HNRNPU: variants seen among roughly 807,000 people sequenced by gnomAD.
HNRNPU encodes the protein HNRNPU antisense RNA 1.
In HNRNPU, 5 loss-of-function variants were observed where a neutral mutation model predicts 94.7. The ratio of observed to expected loss-of-function variants is 0.05; its 90% confidence interval spans 0.03 to 0.11. HNRNPU has a LOEUF of 0.11. Ranked by LOEUF, HNRNPU falls within the 10% of genes least tolerant of loss-of-function variation. The pLI, the probability that HNRNPU is intolerant of heterozygous loss-of-function variation, is 1.00. For missense variants in HNRNPU, 710 were observed against 1,049.2 expected, an observed-to-expected ratio of 0.68 and a Z score of 4.47; for synonymous variants, 434 against 381.6, an observed-to-expected ratio of 1.14 and a Z score of -1.60.
chr1:244,863,299 C>T (rs1558190044), intron 1 of HNRNPU, among the ~76,000 whole-genome samples: 2 of 150,944 alleles, frequency 1.3e-5, no homozygotes, highest in Admixed American at 6.6e-5. Context: ...GCCGACCGGG[C>T]TCCCTCCCGC....
intron 5 of HNRNPU, 200 bp from the exon 6 acceptor site, chr1:244,859,041 C>CCA (rs1680755240): frequency 1.7e-6 from 1 of 576,804 alleles, no homozygotes; most frequent in South Asian, 2.3e-5. Flanking sequence ...AATTAGTTGA[C>CCA]GATTTGCATA....
rs777752880 is a variant in HNRNPU, at chr1:244,863,885, C to T, written c.423G>A (p.Gly141=). ...CCTCTTCGTCCCCGAGCTCATCTTC[C>T]CCTTCCTGGAAACCCTGATCGTCGC... ...ENGDDQGFQE[G]EDELGDEEEG... Residue 141 remains glycine, a synonymous_variant, in exon 1 of 14, where the codon GGG becomes GGA. Coordinates refer to ENST00000640218, the MANE Select transcript of HNRNPU (RefSeq NM_031844.3). 1.2e-6 allele frequency: 2 copies of T among 1,613,934 alleles called. No homozygotes were observed. The highest frequency in any genetic ancestry group is 1.7e-6 in the Non-Finnish European group (2 of 1,179,948).
In HNRNPU at chr1:244,853,645, T is replaced by C. The variant is rs1297788028; in HGVS notation, c.*805A>G. On this transcript the variant is annotated 3_prime_UTR_variant, in exon 14 of 14. Transcript: ENST00000640218. ...CATGGCTAACTTCATATAGATCCCA[T>C]TAGACAACTGGATTTACAACAAGTT... 6.6e-6 allele frequency: 1 copy of C among 152,608 alleles called. No homozygotes were observed. Among genetic ancestry groups the C allele is most frequent in the Non-Finnish European group, 1.5e-5 (1 of 67,992 alleles). 9.5% of individuals were successfully genotyped at this position (152,608 alleles called of 1,614,324 possible). A position where few individuals can be genotyped will look rare whatever the true frequency, so the allele number is the denominator to read the frequency against.
Position 244,851,898 on chromosome 1 carries a change from CTG to C in HNRNPU, c.*2550_*2551del, listed in dbSNP as rs543106855. The C allele has an allele frequency of 1.3e-5, 2 of 152,188 alleles. No individual in the cohort carries two copies. Among genetic ancestry groups the C allele is most frequent in the Non-Finnish European group, 2.9e-5 (2 of 68,028 alleles). 9.4% of individuals were successfully genotyped at this position (152,188 alleles called of 1,614,324 possible). On this transcript the variant is annotated 3_prime_UTR_variant, in exon 14 of 14. Transcript: ENST00000640218. ...AGTTTTAGTTTTCTCAAATTCTATG[CTG>C]TTTTTGTACTACTGCAGCTGACCAA... is the stretch of plus-strand genomic sequence containing the variant.
At chr1:244,862,914 A>T (rs1680877291) in intron 1 of HNRNPU, 184 bp from the exon 2 acceptor site, 2 of 617,858 alleles carry the variant, frequency 3.2e-6, no homozygotes, top group South Asian at 3.9e-5. Flanking sequence ...ACGCAGTCTA[A>T]AGACATTACT....
intron 5 of HNRNPU, chr1:244,859,070 T>C: frequency 1.7e-6 from 1 of 581,396 alleles, no homozygotes; most frequent in Non-Finnish European, 3.0e-6. Flanking sequence ...AAGATTTTAT[T>C]TCAACCATTG....
intron 1 of HNRNPU, among the ~76,000 whole-genome samples, chr1:244,863,384 C>T (rs952117241): frequency 4.7e-5 from 7 of 148,096 alleles, no homozygotes; most frequent in Admixed American, 1.3e-4. Context: ...AATGGAGGCG[C>T]TGCCACCGCC....
In HNRNPU at chr1:244,856,530, A is replaced by G; in HGVS notation, c.1839T>C (p.Tyr613=). ...AVVVCPKDED[Y]KQRTQKKAEV... Reference sequence around the variant, plus strand: ...CTGCTTTCTTCTGTGTTCTTTGCTTATAGTCTTCATCTTTTGGGCAAACTA... The same window carrying G: ...CTGCTTTCTTCTGTGTTCTTTGCTTGTAGTCTTCATCTTTTGGGCAAACTA... Residue 613 remains tyrosine (Y), a synonymous_variant, in exon 10 of 14, where the codon TAT becomes TAC. Transcript: ENST00000640218. 1 of 1,614,056 alleles carries G rather than the reference A, an allele frequency of 6.2e-7. No individual in the cohort carries two copies. The highest frequency in any genetic ancestry group is 8.5e-7 in the Non-Finnish European group (1 of 1,179,974).
At position 244,850,581 on chromosome 1, in the gene HNRNPU, G is replaced by A. The variant is rs1680521786; in HGVS notation, c.*3869C>T. 1 of 149,450 alleles carries A rather than the reference G, an allele frequency of 6.7e-6. No individual in the cohort carries two copies. The highest frequency in any genetic ancestry group is 2.0e-4 in the East Asian group (1 of 4,958). The allele number at this position is 149,450 out of a possible 1,614,324, so 9.3% of individuals were successfully genotyped here. On this transcript the variant is annotated 3_prime_UTR_variant, in exon 14 of 14. Transcript: ENST00000640218. The stretch of plus-strand genomic sequence containing the variant: ...GAAGAGACTTGTGGTTTATGTATTA[G>A]TAATTCAAATTACTGTTTTAGAGAT...
Position 244,853,189 on chromosome 1 carries a change from G to T in HNRNPU, c.*1261C>A, listed in dbSNP as rs533772947. On this transcript the variant is annotated 3_prime_UTR_variant, in exon 14 of 14. Transcript: ENST00000640218. ...TTAAATATGTTAAAAGTTGTCTGGG[G>T]GGGAGGGGAAGGGAAGAATTCAACT... 524 of 152,632 alleles carry T rather than the reference G, an allele frequency of 3.4e-3. 2 individuals carry two copies. The highest frequency in any genetic ancestry group is 5.6e-3 in the Non-Finnish European group (383 of 67,964). The allele number at this position is 152,632 out of a possible 1,614,324, so 9.5% of individuals were successfully genotyped here. A position where few individuals can be genotyped will look rare whatever the true frequency, so the allele number is the denominator to read the frequency against.
intron 1 of HNRNPU, 144 bp downstream of exon 1, chr1:244,863,473 A>G: frequency 9.6e-7 from 1 of 1,043,066 alleles, no homozygotes; most frequent in Non-Finnish European, 1.2e-6. Flanking sequence ...CTAATCTGGG[A>G]TTCCCCGCGC....
rs1429007292 is a variant in HNRNPU at position 244,863,634 on chromosome 1, G to C, written c.674C>G (p.Pro225Arg). The C allele has an allele frequency of 6.5e-7, 1 of 1,541,934 alleles. No homozygotes were observed. The highest frequency in any genetic ancestry group is 8.6e-7 in the Non-Finnish European group (1 of 1,157,630). ...KAEGGGGGGR[P>R]GAPAAGDGKT... ...GCACTCACCCGCCGCCGGAGCCCCG[G>C]GGCGACCGCCGCCTCCGCCGCCTTC... The change falls in exon 1 of 14, where the codon CCC becomes CGC. Residue 225 changes from proline (P) to arginine (R), a missense_variant. Physicochemically the swap from Pro to Arg is moderately radical, Grantham distance 103. Around this residue, in one of 8 missense-constraint regions of HNRNPU, gnomAD observed 292 missense variants for 293.4 expected, o/e 1.00. Transcript: ENST00000640218.
chr1:244,856,047 T>C lies in HNRNPU; in HGVS notation c.2024A>G (p.Lys675Arg), dbSNP rs763049117. 6.2e-7 allele frequency: 1 copy of C among 1,614,130 alleles called. No homozygotes were observed. The highest frequency in any genetic ancestry group is 8.5e-7 in the Non-Finnish European group (1 of 1,179,982). Residue 675 changes from lysine (K) to arginine (R), a missense_variant, in exon 11 of 14, where the codon AAG (lysine) becomes AGG (arginine). Around this residue, in one of 8 missense-constraint regions of HNRNPU, gnomAD observed 152 missense variants for 238.9 expected, o/e 0.64. Coordinates refer to ENST00000640218, the MANE Select transcript of HNRNPU (RefSeq NM_031844.3). ...CTGTTTCTTTTCTGGTGGAAGAGCCTTTTTGCTTTCTTCCTTATATTGCTC... is the reference window on the plus strand; with the variant it reads ...CTGTTTCTTTTCTGGTGGAAGAGCCCTTTTGCTTTCTTCCTTATATTGCTC... ...LLEQYKEESK[K>R]ALPPEKKQNT...
In HNRNPU at chr1:244,851,617, GTCTT is replaced by G. The variant is rs1362690946; in HGVS notation, c.*2829_*2832del. On this transcript the variant is annotated 3_prime_UTR_variant, in exon 14 of 14. Transcript: ENST00000640218. Reference sequence around the variant, plus strand: ...CTAGTGCTCAGAACATCTAGGTTCAGTCTTTATTTTTAAGACAGTATCTATCCTA... The same window carrying G: ...CTAGTGCTCAGAACATCTAGGTTCAGTATTTTTAAGACAGTATCTATCCTA... 3 of 152,158 alleles carry G rather than the reference GTCTT, an allele frequency of 2.0e-5. No homozygotes were observed. The highest frequency in any genetic ancestry group is 2.4e-5 in the African/African-American group (1 of 41,424). The allele number at this position is 152,158 out of a possible 1,614,324, so 9.4% of individuals were successfully genotyped here. A position where few individuals can be genotyped will look rare whatever the true frequency, so the allele number is the denominator to read the frequency against.
At chr1:244,861,549 A>T (rs898626845) in intron 3 of HNRNPU, 1 of 152,186 alleles carries the variant, frequency 6.6e-6, no homozygotes, top group African/African-American at 2.4e-5. Flanking sequence ...TTTTACATTG[A>T]CACTCTTACA....
chr1:244,864,192 T>C lies in HNRNPU; in HGVS notation c.116A>G (p.Gln39Arg). Residue 39 changes from glutamine to arginine, a missense_variant, in exon 1 of 14, where the codon CAG (glutamine) becomes CGG (arginine). This residue lies in a region of HNRNPU where 19 missense variants were observed against 47.7 expected (regional missense o/e 0.40). Coordinates refer to ENST00000640218, the MANE Select transcript of HNRNPU (RefSeq NM_031844.3). ...GLKAELMERL[Q>R]AALDDEEAGG... ...GGCCTCCTCGTCGTCCAGCGCAGCC[T>C]GGAGTCGCTCCATGAGCTCGGCCTT... 6.2e-7 allele frequency: 1 copy of C among 1,609,960 alleles called. No homozygotes were observed. Among genetic ancestry groups the C allele is most frequent in the Admixed American group, 1.7e-5 (1 of 59,548 alleles).
At position 244,850,334 on chromosome 1, in the gene HNRNPU, A is replaced by T. The variant is rs1680507082; in HGVS notation, c.*4116T>A. On this transcript the variant is annotated 3_prime_UTR_variant, in exon 14 of 14. Transcript: ENST00000640218. The stretch of plus-strand genomic sequence containing the variant: ...AGTACTTTTAATGCTTATTTTACAA[A>T]TATGTACCTGTGGTGCTAATACTAG... The T allele has an allele frequency of 6.6e-6, 1 of 152,172 alleles. No homozygotes were observed. Among genetic ancestry groups the T allele is most frequent in the African/African-American group, 2.4e-5 (1 of 41,422 alleles). The allele number at this position is 152,172 out of a possible 1,614,324, so 9.4% of individuals were successfully genotyped here.
intron 11 of HNRNPU, 103 bp from the exon 12 acceptor site, chr1:244,855,711 T>C (rs1201942049): frequency 1.5e-5 from 20 of 1,370,676 alleles, no homozygotes; most frequent in Non-Finnish European, 1.9e-5. Context: ...AAAATAATTG[T>C]TTAAAGACAA....
At position 244,853,636 on chromosome 1, in the gene HNRNPU, T is replaced by C. The variant is rs551917900; in HGVS notation, c.*814A>G. On this transcript the variant is annotated 3_prime_UTR_variant, in exon 14 of 14. Transcript: ENST00000640218. ...GCATACAGACATGGCTAACTTCATA[T>C]AGATCCCATTAGACAACTGGATTTA... 6.6e-6 allele frequency: 1 copy of C among 152,642 alleles called. No individual in the cohort carries two copies. Among genetic ancestry groups the C allele is most frequent in the Non-Finnish European group, 1.5e-5 (1 of 68,004 alleles). The allele number at this position is 152,642 out of a possible 1,614,324, so 9.5% of individuals were successfully genotyped here. A position where few individuals can be genotyped will look rare whatever the true frequency, so the allele number is the denominator to read the frequency against.
Sources: gnomAD v4.1 joint callset for allele counts (sites outside exome capture counted in the v4.1 genomes callset) on GRCh38, gnomAD v4.1.1 for gene constraint, gnomAD v4.1.1 regional missense constraint, MANE v1.5 for transcripts, NCBI Gene and HGNC (gene_info 2026-07-23, HGNC 2026-07-21) for gene names.